The following ENAH variants were observed in gnomAD, a reference collection of about 807,000 sequenced individuals.
The protein encoded by ENAH is ENAH actin regulator.
Under a neutral mutation model 78.7 loss-of-function variants are expected in ENAH, and 23 were observed. That is an observed-to-expected ratio of 0.29 (90% CI 0.21 to 0.41). ENAH has a LOEUF of 0.41. Ranked by LOEUF, ENAH falls within the 10% of genes least tolerant of loss-of-function variation. The pLI is 1.00. For synonymous variants in ENAH, 226 were observed against 241.0 expected, an observed-to-expected ratio of 0.94 and a Z score of 0.58; for missense variants, 544 against 691.0, an observed-to-expected ratio of 0.79 and a Z score of 2.39.
intron 2 of ENAH, among the ~76,000 whole-genome samples, chr1:225,558,280 GAA>G (rs1282585794): frequency 6.6e-6 from 1 of 152,014 alleles, no homozygotes; most frequent in East Asian, 1.9e-4. Flanking sequence ...GTATTCTCTG[GAA>G]AAAAGTACGT....
chr1:225,587,330 C>T (rs1468376309), intron 1 of ENAH, among the ~76,000 whole-genome samples: 23 of 152,164 alleles, frequency 1.5e-4, no homozygotes, highest in Non-Finnish European at 2.9e-5. Context: ...TTAGCAAGGT[C>T]ACAGGATTCA....
At chr1:225,632,362 G>A (rs1659242460) in intron 1 of ENAH, among the ~76,000 whole-genome samples, 1 of 152,144 alleles carries the variant, frequency 6.6e-6, no homozygotes, top group African/African-American at 2.4e-5. Flanking sequence ...GTTGGGCATA[G>A]TGGCAGGCGC....
At position 225,494,071 on chromosome 1, in the gene ENAH, A is replaced by AAAAAAC. The variant is rs2096237158; in HGVS notation, c.*3703_*3704insGTTTTT. ...ACATGAGACAGGCTAGAGCAAAAAA[A>AAAAAAC]AAAAAAAAAAAACAGCTGAAAATTT... On this transcript the variant is annotated 3_prime_UTR_variant, in exon 14 of 14. Transcript: ENST00000366843. 1 of 150,524 alleles carries AAAAAAC rather than the reference A, an allele frequency of 6.6e-6. No homozygotes were observed. Among genetic ancestry groups the AAAAAAC allele is most frequent in the Non-Finnish European group, 1.5e-5 (1 of 67,532 alleles). 9.3% of individuals were successfully genotyped at this position (150,524 alleles called of 1,614,324 possible).
intron 1 of ENAH, among the ~76,000 whole-genome samples, chr1:225,591,663 G>A (rs559502012): frequency 2.3e-4 from 34 of 150,548 alleles, no homozygotes; most frequent in African/African-American, 6.4e-4. Context: ...TACTTGGGAG[G>A]CTGAGGCAGG....
At position 225,490,073 on chromosome 1, in the gene ENAH, C is replaced by T. The variant is rs1011493381; in HGVS notation, c.*7702G>A. Reference sequence around the variant, plus strand: ...AACTCAACTTTAGAGGTAGAAGGCTCAGAGAGAATGACTGACTAGCCCCAC... The same window carrying T: ...AACTCAACTTTAGAGGTAGAAGGCTTAGAGAGAATGACTGACTAGCCCCAC... On this transcript the variant is annotated 3_prime_UTR_variant, in exon 14 of 14. Transcript: ENST00000366843. 1 of 152,028 alleles carries T rather than the reference C, an allele frequency of 6.6e-6. No homozygotes were observed. Among genetic ancestry groups the T allele is most frequent in the African/African-American group, 2.4e-5 (1 of 41,380 alleles). The allele number at this position is 152,028 out of a possible 1,614,324, so 9.4% of individuals were successfully genotyped here.
intron 3 of ENAH, among the ~76,000 whole-genome samples, chr1:225,534,380 A>T (rs1242638521): frequency 6.6e-6 from 1 of 152,138 alleles, no homozygotes; most frequent in African/African-American, 2.4e-5. Context: ...ACTTTAAGTG[A>T]CTAACAAATA....
intron 1 of ENAH, among the ~76,000 whole-genome samples, chr1:225,581,973 A>G (rs2096820761): frequency 6.6e-6 from 1 of 151,884 alleles, no homozygotes; most frequent in African/African-American, 2.4e-5. Flanking sequence ...TAGAACAACT[A>G]TATGAAATGT....
chr1:225,573,668 T>G (rs573282405), intron 1 of ENAH, among the ~76,000 whole-genome samples: 310 of 152,242 alleles, frequency 2.0e-3, no homozygotes, highest in African/African-American at 7.1e-3. Flanking sequence ...GGGATGTATG[T>G]TGCAAGTACA....
intron 1 of ENAH, among the ~76,000 whole-genome samples, chr1:225,612,575 T>C (rs754477457): frequency 1.1e-4 from 17 of 152,212 alleles, no homozygotes; most frequent in Non-Finnish European, 2.2e-4. Context: ...ATGGTTACCA[T>C]GGTAAATTTT....
intron 1 of ENAH, among the ~76,000 whole-genome samples, chr1:225,648,967 G>T (rs1004406327): frequency 2.6e-5 from 4 of 151,924 alleles, no homozygotes; most frequent in Non-Finnish European, 5.9e-5. Flanking sequence ...TGGTCTTTTT[G>T]ACATCCTTGA....
intron 2 of ENAH, among the ~76,000 whole-genome samples, chr1:225,561,199 C>T (rs1158806576): frequency 2.6e-5 from 4 of 152,114 alleles, no homozygotes; most frequent in Non-Finnish European, 4.4e-5. Flanking sequence ...CACCACTGCA[C>T]GCCAGCCTGG....
At chr1:225,514,435 GATT>G (rs1433722651) in intron 7 of ENAH, among the ~76,000 whole-genome samples, 158 bp downstream of exon 7, 1 of 151,946 alleles carries the variant, frequency 6.6e-6, no homozygotes, top group African/African-American at 2.4e-5. Context: ...AAAGTGCAGG[GATT>G]ATACAGGTAT....
rs1463681217 is a variant in ENAH, at chr1:225,512,669, T to C, written c.1410A>G (p.Lys470=). The C allele has an allele frequency of 6.2e-7, 1 of 1,613,578 alleles. No individual in the cohort carries two copies. The highest frequency in any genetic ancestry group is 1.1e-5 in the South Asian group (1 of 90,982). Reference sequence around the variant, plus strand: ...TTTATTAACTTACACCTTTGTCCTCTTTTTGTTCTGTTTCTATTGTTGATC... The same window carrying C: ...TTTATTAACTTACACCTTTGTCCTCCTTTTGTTCTGTTTCTATTGTTGATC... ...EKGSTIETEQ[K]EDKGEDSEPV... Residue 470 remains lysine, a synonymous_variant, in exon 9 of 14, where the codon AAA becomes AAG. Coordinates refer to ENST00000366843, the MANE Select transcript of ENAH (RefSeq NM_018212.6).
intron 1 of ENAH, among the ~76,000 whole-genome samples, chr1:225,615,739 C>G (rs1218532970): frequency 6.6e-6 from 1 of 150,678 alleles, no homozygotes; most frequent in Admixed American, 6.6e-5. Flanking sequence ...ACCGCCACCC[C>G]GTCTGGGAGG....
chr1:225,647,665 T>C (rs1662213711), intron 1 of ENAH, among the ~76,000 whole-genome samples: 1 of 152,198 alleles, frequency 6.6e-6, no homozygotes, highest in Non-Finnish European at 1.5e-5. Flanking sequence ...GTTATTAACA[T>C]TTAGTATCCA....
At chr1:225,580,858 A>T (rs1239304653) in intron 1 of ENAH, among the ~76,000 whole-genome samples, 3 of 149,094 alleles carry the variant, frequency 2.0e-5, no homozygotes, top group Non-Finnish European at 3.0e-5. Context: ...CCGAGATCGC[A>T]TCACTGTACT....
chr1:225,535,458 T>G, intron 3 of ENAH: 2 of 1,196,014 alleles, frequency 1.7e-6, no homozygotes, highest in South Asian at 2.6e-5. Flanking sequence ...AATGCGCAAG[T>G]AGCATGTACC....
chr1:225,597,425 C>T (rs940078482), intron 1 of ENAH, among the ~76,000 whole-genome samples: 4 of 151,908 alleles, frequency 2.6e-5, no homozygotes, highest in South Asian at 2.1e-4. Context: ...CTTGAGAGGC[C>T]GAGGCAGGAG....
intron 4 of ENAH, among the ~76,000 whole-genome samples, chr1:225,521,267 T>G (rs1244284652): frequency 6.6e-6 from 1 of 152,170 alleles, no homozygotes; most frequent in Non-Finnish European, 1.5e-5. Context: ...AATAAGGACA[T>G]AAATTTTGCT....
Sources: gnomAD v4.1 joint callset for allele counts (sites outside exome capture counted in the v4.1 genomes callset) on GRCh38, gnomAD v4.1.1 for gene constraint, MANE v1.5 for transcripts, NCBI Gene and HGNC (gene_info 2026-07-23, HGNC 2026-07-21) for gene names.